Variants in PIP4K2A observed in about 807,000 individuals in gnomAD.
The protein encoded by PIP4K2A is phosphatidylinositol-5-phosphate 4-kinase type 2 alpha.
A neutral mutation model predicts 42.9 loss-of-function variants in PIP4K2A; 14 were observed. The observed-to-expected ratio is 0.33, with a 90% CI of 0.22 to 0.51. The LOEUF (loss-of-function observed/expected upper bound fraction) is 0.51. Ranked by LOEUF, PIP4K2A falls within the 20% of genes least tolerant of loss-of-function variation. The pLI is 0.97. For synonymous variants in PIP4K2A, 192 were observed against 192.2 expected (o/e 1.00, Z 0.01); for missense variants, 434 against 519.8 (o/e 0.83, Z 1.61).
At chr10:22,613,318 G>A (rs1350042379) in intron 1 of PIP4K2A, among the ~76,000 whole-genome samples, 1 of 152,144 alleles carries the variant, frequency 6.6e-6, no homozygotes, top group African/African-American at 2.4e-5. Context: ...ACAGGAGCGA[G>A]ATGAAGAGGG....
At chr10:22,631,775 A>AT (rs1014122734) in intron 1 of PIP4K2A, among the ~76,000 whole-genome samples, 2 of 152,210 alleles carry the variant, frequency 1.3e-5, no homozygotes, top group African/African-American at 4.8e-5. Context: ...TAAATGTTCA[A>AT]TTTTTTTGAG....
chr10:22,607,981 C>A lies in PIP4K2A; in HGVS notation c.285G>T (p.Pro95=). Residue 95 remains proline (P), a synonymous_variant, in exon 3 of 10, where the codon CCG becomes CCT. Coordinates refer to ENST00000376573, the MANE Select transcript of PIP4K2A (RefSeq NM_005028.5). ...TCTCCCGCAGGTTACGGAAGACCAT[C>A]GGGCAGTATTCCTTAAACTTGAAAT... is the stretch of plus-strand genomic sequence containing the variant. ...PSHFKFKEYC[P]MVFRNLRERF... 1 of 1,613,292 alleles carries A rather than the reference C, an allele frequency of 6.2e-7. No homozygotes were observed. Among genetic ancestry groups the A allele is most frequent in the East Asian group, 2.2e-5 (1 of 44,852 alleles).
chr10:22,561,082 C>T (rs1035918253), intron 6 of PIP4K2A, among the ~76,000 whole-genome samples: 1 of 152,248 alleles, frequency 6.6e-6, no homozygotes, highest in Non-Finnish European at 1.5e-5. Flanking sequence ...GTTCACATTT[C>T]TCTGTCTCAT....
chr10:22,665,573 T>C (rs555791020), intron 1 of PIP4K2A, among the ~76,000 whole-genome samples: 26 of 150,638 alleles, frequency 1.7e-4, no homozygotes, highest in African/African-American at 6.1e-4. Context: ...TCCCAAGTAG[T>C]TGAAACTACA....
rs1564448260 is a variant in PIP4K2A at position 22,627,588 on chromosome 10, T to TAAAA, written c.145-17872_145-17871insTTTT. The stretch of plus-strand genomic sequence containing the variant: ...ATTTGTTTAACCAAAAGCTAATATG[T>TAAAA]AATAAAAAAAAAAAAAAAAAAAAAA... On this transcript the variant is annotated intron_variant, in intron 1 of 9. Coordinates refer to ENST00000376573, the MANE Select transcript of PIP4K2A (RefSeq NM_005028.5). Among the ~76,000 whole-genome samples, 47 of 38,948 alleles carry TAAAA rather than the reference T, an allele frequency of 1.2e-3. 8 individuals are homozygous for TAAAA. Among genetic ancestry groups the TAAAA allele is most frequent in the African/African-American group, 2.1e-3 (29 of 13,768 alleles). 25.6% of individuals were successfully genotyped at this position (38,948 alleles called of 152,430 possible).
At chr10:22,653,682 G>C (rs1403520807) in intron 1 of PIP4K2A, among the ~76,000 whole-genome samples, 1 of 152,152 alleles carries the variant, frequency 6.6e-6, no homozygotes, top group African/African-American at 2.4e-5. Context: ...GGGAGGCTGA[G>C]GTGGGTGGAT....
chr10:22,700,135 T>C (rs1399717780), intron 1 of PIP4K2A, among the ~76,000 whole-genome samples: 1 of 152,122 alleles, frequency 6.6e-6, no homozygotes, highest in African/African-American at 2.4e-5. Context: ...AGGTATGCAG[T>C]CCTGTTTCTC....
intron 6 of PIP4K2A, among the ~76,000 whole-genome samples, chr10:22,552,538 C>CTAGAT (rs1319423937): frequency 1.3e-5 from 2 of 152,032 alleles, no homozygotes; most frequent in Non-Finnish European, 2.9e-5. Context: ...GTTCATCACA[C>CTAGAT]TAGATTATAA....
rs369533218 is a variant in PIP4K2A at position 22,540,137 on chromosome 10, T to TGAGGGAGG, written c.1037-71_1037-64dup. ...ACAACACCAGTGCCAGCATTGCTGC[T>TGAGGGAGG]GAGGGAGGGAGGGAGGGAGAAGTGA... is the stretch of plus-strand genomic sequence containing the variant. On this transcript the variant is annotated intron_variant, in intron 8 of 9. Transcript: ENST00000376573. 51 of 759,442 alleles carry TGAGGGAGG rather than the reference T, an allele frequency of 6.7e-5. No homozygotes were observed. The African/African-American group carries it at 8.1e-4, about 12-fold the overall frequency. 47.0% of individuals were successfully genotyped at this position (759,442 alleles called of 1,614,324 possible).
intron 6 of PIP4K2A, among the ~76,000 whole-genome samples, chr10:22,551,623 G>A (rs1440980918): frequency 6.6e-6 from 1 of 152,218 alleles, no homozygotes; most frequent in Non-Finnish European, 1.5e-5. Flanking sequence ...CCTGCATTCA[G>A]TACGAGCTCA....
chr10:22,627,605 A>T lies in PIP4K2A; in HGVS notation c.145-17888T>A, dbSNP rs1326655305. Among the ~76,000 whole-genome samples, 5 of 64,960 alleles carry T rather than the reference A, an allele frequency of 7.7e-5. No homozygotes were observed. The South Asian group carries it at 2.4e-3, about 31-fold the overall frequency. The allele number at this position is 64,960 out of a possible 152,430, so 42.6% of individuals were successfully genotyped here. A position where few individuals can be genotyped will look rare whatever the true frequency, so the allele number is the denominator to read the frequency against. On this transcript the variant is annotated intron_variant, in intron 1 of 9. Transcript: ENST00000376573. ...CTAATATGTAATAAAAAAAAAAAAA[A>T]AAAAAAAAAAAAAAAAAAAAAAAAA...
At chr10:22,547,630 A>C (rs1836289218) in intron 7 of PIP4K2A, among the ~76,000 whole-genome samples, 1 of 152,176 alleles carries the variant, frequency 6.6e-6, no homozygotes, top group Non-Finnish European at 1.5e-5. Context: ...AACCTCAGAC[A>C]ACTGAAATGC....
At chr10:22,613,630 AG>A (rs370220618) in intron 1 of PIP4K2A, among the ~76,000 whole-genome samples, 55 of 152,312 alleles carry the variant, frequency 3.6e-4, no homozygotes, top group East Asian at 1.5e-3. Context: ...GAGCTTAAAA[AG>A]GGGACTGCAG....
At chr10:22,704,673 G>T (rs1241783966) in intron 1 of PIP4K2A, among the ~76,000 whole-genome samples, 1 of 145,254 alleles carries the variant, frequency 6.9e-6, no homozygotes, top group African/African-American at 2.6e-5. Flanking sequence ...AAAAAAAAAG[G>T]AACAGAAAAC....
chr10:22,622,845 C>G (rs1564446728), intron 1 of PIP4K2A, among the ~76,000 whole-genome samples: 1 of 151,958 alleles, frequency 6.6e-6, no homozygotes, highest in Non-Finnish European at 1.5e-5. Context: ...TAGTACTTCA[C>G]AAAGTACTAA....
chr10:22,629,088 TTCTC>T (rs775793379), intron 1 of PIP4K2A, among the ~76,000 whole-genome samples: 9 of 152,158 alleles, frequency 5.9e-5, no homozygotes, highest in African/African-American at 9.7e-5. Context: ...AACAACAATT[TTCTC>T]TCTTATTTCC....
intron 1 of PIP4K2A, among the ~76,000 whole-genome samples, chr10:22,664,062 CAT>C (rs1230269980): frequency 0.017 from 1,163 of 70,184 alleles, 28 homozygotes; most frequent in African/African-American, 0.048. Flanking sequence ...TGTATATATA[CAT>C]ATATATATAT....
At chr10:22,566,179 G>T (rs1189098758) in intron 6 of PIP4K2A, among the ~76,000 whole-genome samples, 1 of 152,216 alleles carries the variant, frequency 6.6e-6, no homozygotes, top group African/African-American at 2.4e-5. Context: ...AAAACTTGCT[G>T]TTTTTTGTGG....
chr10:22,698,669 A>T (rs1037968214), intron 1 of PIP4K2A, among the ~76,000 whole-genome samples: 1 of 152,260 alleles, frequency 6.6e-6, no homozygotes, highest in Non-Finnish European at 1.5e-5. Context: ...CTAATTATTA[A>T]GCAGTGATCA....
Sources: allele counts gnomAD v4.1 joint callset (sites outside exome capture counted in the v4.1 genomes callset), GRCh38; gene constraint gnomAD v4.1.1; transcripts MANE v1.5; gene names NCBI Gene and HGNC (gene_info 2026-07-23, HGNC 2026-07-21).